SLC9C1: variants seen among roughly 807,000 people sequenced by gnomAD.
SLC9C1 encodes the protein sodium/hydrogen exchanger 10.
Under a neutral mutation model 140.9 loss-of-function variants are expected in SLC9C1, and 97 were observed. The ratio of observed to expected loss-of-function variants is 0.69; its 90% confidence interval spans 0.58 to 0.82. SLC9C1 has a LOEUF of 0.82. Ranked by LOEUF, SLC9C1 falls within the 40% of genes least tolerant of loss-of-function variation. SLC9C1 has a pLI of 0.00. For missense variants in SLC9C1, 1,340 were observed against 1,389.3 expected (o/e 0.96, Z 0.56); for synonymous variants, 440 against 442.6 (o/e 0.99, Z 0.07).
chr3:112,231,150 CTT>C, intron 13 of SLC9C1, among the ~76,000 whole-genome samples: 1 of 34,998 alleles, frequency 2.9e-5, no homozygotes, highest in South Asian at 1.2e-3. Flanking sequence ...TTCTCCCTTT[CTT>C]TCTTTCTTTC....
intron 20 of SLC9C1, among the ~76,000 whole-genome samples, chr3:112,197,740 T>G (rs1338330488): frequency 2.0e-5 from 3 of 152,192 alleles, no homozygotes; most frequent in African/African-American, 7.2e-5. Context: ...TCTAAATTCT[T>G]ACCATTTTCT....
At chr3:112,274,541 C>A (rs191331685) in intron 6 of SLC9C1, among the ~76,000 whole-genome samples, 3 of 152,152 alleles carry the variant, frequency 2.0e-5, no homozygotes, top group East Asian at 3.9e-4. Context: ...GGAAGAGAAG[C>A]CGCCTCCTCT....
chr3:112,289,447 A>C (rs780091391), intron 1 of SLC9C1, among the ~76,000 whole-genome samples: 36 of 152,192 alleles, frequency 2.4e-4, no homozygotes, highest in Non-Finnish European at 4.4e-4. Context: ...GGTAGACTAG[A>C]GCTAAGATAC....
At chr3:112,221,039 G>A (rs2078526750) in intron 14 of SLC9C1, 89 bp downstream of exon 14, 1 of 1,042,652 alleles carries the variant, frequency 9.6e-7, no homozygotes, top group Admixed American at 2.1e-5. Context: ...AGGGAGCCAA[G>A]TTACCAGACA....
In SLC9C1 at chr3:112,215,258, A is replaced by T. The variant is rs1328024881; in HGVS notation, c.1790+2184T>A. 1.4e-4 allele frequency among the ~76,000 whole-genome samples: 22 copies of T among 152,354 alleles called. 1 individual carries two copies. The East Asian group carries it at 4.2e-3, about 29-fold the overall frequency. On this transcript the variant is annotated intron_variant, in intron 15 of 28. Coordinates refer to ENST00000305815, the MANE Select transcript of SLC9C1 (RefSeq NM_183061.3). ...CAAACCCACAGCCAATATCATACTG[A>T]ATGGGCAAAAACTGAAAGCATTCCC... is the stretch of plus-strand genomic sequence containing the variant.
chr3:112,193,174 A>G (rs1413555468), intron 20 of SLC9C1, among the ~76,000 whole-genome samples: 5 of 152,186 alleles, frequency 3.3e-5, no homozygotes, highest in Admixed American at 6.5e-5. Context: ...TGGCTTTGCC[A>G]GGTATAGACT....
intron 23 of SLC9C1, among the ~76,000 whole-genome samples, chr3:112,176,388 C>T (rs545443283): frequency 6.6e-6 from 1 of 152,248 alleles, no homozygotes; most frequent in Admixed American, 6.5e-5. Flanking sequence ...TTTACTTGCC[C>T]CTTCCATCCC....
intron 23 of SLC9C1, among the ~76,000 whole-genome samples, chr3:112,169,627 A>G (rs2077208418): frequency 6.6e-6 from 1 of 152,114 alleles, no homozygotes; most frequent in Admixed American, 6.5e-5. Context: ...TGTTTTGATT[A>G]CTATATCTTT....
At chr3:112,285,484 G>A (rs1411346084) in intron 2 of SLC9C1, among the ~76,000 whole-genome samples, 2 of 152,144 alleles carry the variant, frequency 1.3e-5, no homozygotes, top group African/African-American at 4.8e-5. Flanking sequence ...CAAGCAATCT[G>A]CCCACCTTGG....
In SLC9C1 at chr3:112,141,304, A is replaced by G. The variant is rs747225261; in HGVS notation, c.3525-23T>C. 14 of 1,577,852 alleles carry G rather than the reference A, an allele frequency of 8.9e-6. No individual in the cohort carries two copies. In the Admixed American group the frequency reaches 2.0e-4, roughly 23 times the overall value. The stretch of plus-strand genomic sequence containing the variant: ...TTCCTAATAGAAGCGGAAAGAAAAA[A>G]CAAAAACATAGAGGGCTTTTGAATC... On this transcript the variant is annotated intron_variant, in intron 28 of 28. Transcript: ENST00000305815.
At chr3:112,291,624 C>T (rs1171802086) in intron 1 of SLC9C1, among the ~76,000 whole-genome samples, 2 of 152,144 alleles carry the variant, frequency 1.3e-5, no homozygotes, top group African/African-American at 4.8e-5. Flanking sequence ...ATAACAGATG[C>T]TGACAAGGTT....
At chr3:112,153,452 T>G (rs1036128139) in intron 27 of SLC9C1, among the ~76,000 whole-genome samples, 1 of 152,224 alleles carries the variant, frequency 6.6e-6, no homozygotes, top group Non-Finnish European at 1.5e-5. Context: ...TCTATTGTTA[T>G]TTCCCTTTGT....
chr3:112,226,594 C>G (rs1203363542), intron 13 of SLC9C1, among the ~76,000 whole-genome samples: 1 of 151,950 alleles, frequency 6.6e-6, no homozygotes, highest in Non-Finnish European at 1.5e-5. Context: ...TGGTGGCAAG[C>G]ACCTTTAATC....
chr3:112,280,656 T>C, intron 3 of SLC9C1, 27 bp downstream of exon 3: 2 of 1,549,768 alleles, frequency 1.3e-6, no homozygotes, highest in African/African-American at 1.4e-5. Flanking sequence ...AAATAAATAG[T>C]GTAAAATACT....
At chr3:112,160,605 T>A (rs1267328985) in intron 26 of SLC9C1, among the ~76,000 whole-genome samples, 8 of 151,848 alleles carry the variant, frequency 5.3e-5, no homozygotes, top group Non-Finnish European at 8.8e-5. Context: ...GAACTCATCA[T>A]TTTTTATGGC....
At chr3:112,208,872 A>G (rs1209869266) in intron 15 of SLC9C1, among the ~76,000 whole-genome samples, 1 of 152,156 alleles carries the variant, frequency 6.6e-6, no homozygotes, top group African/African-American at 2.4e-5. Context: ...TATCATGAGC[A>G]TCTTCTCTTG....
At chr3:112,189,845 T>C (rs1030939223) in intron 20 of SLC9C1, among the ~76,000 whole-genome samples, 3 of 152,224 alleles carry the variant, frequency 2.0e-5, no homozygotes, top group Non-Finnish European at 4.4e-5. Context: ...TTTCATGATA[T>C]TGATTCTTTC....
At chr3:112,263,197 C>T in intron 9 of SLC9C1, 99 bp from the exon 10 acceptor site, 1 of 1,014,060 alleles carries the variant, frequency 9.9e-7, no homozygotes. Context: ...GAATTCCTAA[C>T]TCTCAAACAA....
At chr3:112,187,442 A>G (rs2077560464) in intron 20 of SLC9C1, among the ~76,000 whole-genome samples, 1 of 152,160 alleles carries the variant, frequency 6.6e-6, no homozygotes, top group African/African-American at 2.4e-5. Flanking sequence ...GCATTAAACT[A>G]AAAATAACCT....
Sources: gnomAD v4.1 joint callset for allele counts (sites outside exome capture counted in the v4.1 genomes callset) on GRCh38, gnomAD v4.1.1 for gene constraint, MANE v1.5 for transcripts, NCBI Gene and HGNC (gene_info 2026-07-23, HGNC 2026-07-21) for gene names.